The following CAMKMT variants were observed in gnomAD, a reference collection of about 807,000 sequenced individuals.
The protein encoded by CAMKMT is calmodulin-lysine N-methyltransferase, also known as CaM KMT.
CAMKMT carries 53 observed loss-of-function variants against 48.0 expected under a neutral mutation model. That is an observed-to-expected ratio of 1.10 (90% confidence interval 0.89 to 1.39). The LOEUF is 1.39. Ranked by LOEUF, CAMKMT falls within the 40% of genes most tolerant of loss-of-function variation. The pLI is 0.00. For synonymous variants in CAMKMT, 165 were observed against 152.3 expected (o/e 1.08, Z -0.61); for missense variants, 428 against 402.7 (o/e 1.06, Z -0.54).
chr2:44,424,414 C>T lies in CAMKMT; in HGVS notation c.376+34109C>T, dbSNP rs1033168841. Reference sequence around the variant, plus strand: ...CATGTGAAAGGGCCGTGATACATTGCGCAAGTGGGGGCTATGTGACTGAGG... The same window carrying T: ...CATGTGAAAGGGCCGTGATACATTGTGCAAGTGGGGGCTATGTGACTGAGG... On this transcript the variant is annotated intron_variant, in intron 3 of 10. Coordinates refer to ENST00000378494, the MANE Select transcript of CAMKMT (RefSeq NM_024766.5). Among the ~76,000 whole-genome samples the T allele has an allele frequency of 5.3e-5, 8 of 152,014 alleles. No homozygotes were observed. In the South Asian group the frequency reaches 6.2e-4, roughly 12 times the overall value.
chr2:44,611,991 C>T (rs1671627653), intron 3 of CAMKMT, among the ~76,000 whole-genome samples: 1 of 152,168 alleles, frequency 6.6e-6, no homozygotes, highest in African/African-American at 2.4e-5. Flanking sequence ...CAGGCCCCAC[C>T]TCCAGTATTG....
At chr2:44,581,788 C>T (rs1418699028) in intron 3 of CAMKMT, among the ~76,000 whole-genome samples, 1 of 152,148 alleles carries the variant, frequency 6.6e-6, no homozygotes, top group African/African-American at 2.4e-5. Flanking sequence ...ATCACAAAGT[C>T]AGGAGTTCGA....
intron 3 of CAMKMT, among the ~76,000 whole-genome samples, chr2:44,430,701 A>G (rs1331689909): frequency 6.6e-6 from 1 of 152,160 alleles, no homozygotes; most frequent in Non-Finnish European, 1.5e-5. Context: ...TGCTGGATAA[A>G]TAAGAGTCTT....
intron 3 of CAMKMT, among the ~76,000 whole-genome samples, chr2:44,648,390 C>CA (rs948245728): frequency 6.6e-6 from 1 of 151,666 alleles, no homozygotes. Context: ...ATTAAATTTT[C>CA]AAAAAAAGTA....
At position 44,672,083 on chromosome 2, in the gene CAMKMT, C is replaced by A. The variant is rs916038351; in HGVS notation, c.377-32200C>A. Among the ~76,000 whole-genome samples, 5 of 152,180 alleles carry A rather than the reference C, an allele frequency of 3.3e-5. No homozygotes were observed. The East Asian group carries it at 9.6e-4, about 29-fold the overall frequency. On this transcript the variant is annotated intron_variant, in intron 3 of 10. Coordinates refer to ENST00000378494, the MANE Select transcript of CAMKMT (RefSeq NM_024766.5). Reference sequence around the variant, plus strand: ...GAAAACTCAATACCATTCTCCCTGACCCTCCCCATCCGCCTCACTCCCCAA... The same window carrying A: ...GAAAACTCAATACCATTCTCCCTGAACCTCCCCATCCGCCTCACTCCCCAA...
chr2:44,554,962 C>G (rs1667929438), intron 3 of CAMKMT, among the ~76,000 whole-genome samples: 1 of 152,034 alleles, frequency 6.6e-6, no homozygotes, highest in African/African-American at 2.4e-5. Flanking sequence ...TAGGAATTAA[C>G]CAGATGAAGG....
intron 9 of CAMKMT, among the ~76,000 whole-genome samples, chr2:44,756,588 A>G (rs1446826882): frequency 1.3e-5 from 2 of 151,964 alleles, no homozygotes; most frequent in African/African-American, 4.8e-5. Flanking sequence ...GAAAATACAA[A>G]AAAATTAGCC....
intron 3 of CAMKMT, among the ~76,000 whole-genome samples, chr2:44,673,471 G>GGAAGGAAGGAAGGAAGGA (rs1553435760): frequency 8.6e-6 from 1 of 116,844 alleles, no homozygotes; most frequent in South Asian, 3.2e-4. Flanking sequence ...GAAAGAGAGA[G>GGAAGGAAGGAAGGAAGGA]AGGAAGGAAG....
At chr2:44,390,106 A>T (rs1681179080) in intron 2 of CAMKMT, 135 bp from the exon 3 acceptor site, 1 of 613,592 alleles carries the variant, frequency 1.6e-6, no homozygotes, top group Non-Finnish European at 2.8e-6. Context: ...GGCAGAAAAT[A>T]TTCTTAAAAT....
In CAMKMT at chr2:44,706,307, TA is replaced by T. The variant is rs1677558075; in HGVS notation, c.459del (p.Gly155ValfsTer3). On this transcript the variant is annotated frameshift_variant, in exon 5 of 11. Transcript: ENST00000378494. LOFTEE classifies it high-confidence loss of function. ...NIFRALAVCE[L>X]GGGMTCLAGL... ...TTCAGGGCCCTTGCTGTGTGTGAGC[TA>T]GGGGGTGGCATGACATGCTTGGCTG... 6.2e-7 allele frequency: 1 copy of T among 1,613,386 alleles called. No individual in the cohort carries two copies. Among genetic ancestry groups the T allele is most frequent in the Non-Finnish European group, 8.5e-7 (1 of 1,179,508 alleles).
intron 3 of CAMKMT, among the ~76,000 whole-genome samples, chr2:44,580,617 A>G (rs1669502041): frequency 1.3e-5 from 2 of 152,200 alleles, no homozygotes; most frequent in Non-Finnish European, 2.9e-5. Flanking sequence ...CTACAGTGTC[A>G]AAAGAATAGG....
At chr2:44,373,311 A>G (rs1415673040) in intron 2 of CAMKMT, among the ~76,000 whole-genome samples, 1 of 152,216 alleles carries the variant, frequency 6.6e-6, no homozygotes, top group Non-Finnish European at 1.5e-5. Context: ...TTACTTTCAG[A>G]ATAGAATCAA....
At chr2:44,592,495 G>T (rs1472212087) in intron 3 of CAMKMT, among the ~76,000 whole-genome samples, 1 of 151,956 alleles carries the variant, frequency 6.6e-6, no homozygotes, top group East Asian at 1.9e-4. Context: ...CAGATTAATG[G>T]TCCTCAGTGC....
chr2:44,584,463 A>AG (rs1669739210), intron 3 of CAMKMT, among the ~76,000 whole-genome samples: 1 of 152,170 alleles, frequency 6.6e-6, no homozygotes, highest in Admixed American at 6.5e-5. Flanking sequence ...ACCTGAAAAA[A>AG]CAGTTTCATT....
In CAMKMT at chr2:44,743,684, T is replaced by C. The variant is rs1178836846; in HGVS notation, c.686T>C (p.Met229Thr). Reference protein sequence around the residue: ...SQLEGHFDIVMCADCLFLDQY... With the variant: ...SQLEGHFDIVTCADCLFLDQY... ...CTGGAAGGACATTTTGACATTGTTA[T>C]GTGTGCTGACTGGTAAGTACATAAA... Residue 229 changes from methionine to threonine, a missense_variant, in exon 8 of 11, where the codon ATG (methionine) becomes ACG (threonine). Transcript: ENST00000378494. 1.9e-6 allele frequency: 3 copies of C among 1,612,804 alleles called. No homozygotes were observed. Among genetic ancestry groups the C allele is most frequent in the Admixed American group, 1.7e-5 (1 of 59,988 alleles).
At chr2:44,493,044 C>G (rs544849538) in intron 3 of CAMKMT, among the ~76,000 whole-genome samples, 13 of 151,972 alleles carry the variant, frequency 8.6e-5, no homozygotes, top group Non-Finnish European at 1.6e-4. Context: ...CAGGCATGTA[C>G]CACCATGCCC....
chr2:44,393,293 G>A (rs1681522843), intron 3 of CAMKMT: 1 of 152,122 alleles, frequency 6.6e-6, no homozygotes, highest in Non-Finnish European at 1.5e-5. Context: ...TAGAAGTTTT[G>A]TGGTTTTAAA....
intron 7 of CAMKMT, among the ~76,000 whole-genome samples, chr2:44,729,662 G>A (rs1440047143): frequency 1.3e-5 from 2 of 152,162 alleles, no homozygotes; most frequent in African/African-American, 4.8e-5. Context: ...GAAGTTGTGT[G>A]TGTGCTAAGG....
At chr2:44,535,039 A>G (rs756716343) in intron 3 of CAMKMT, among the ~76,000 whole-genome samples, 4 of 151,942 alleles carry the variant, frequency 2.6e-5, no homozygotes, top group Non-Finnish European at 5.9e-5. Flanking sequence ...GAGAGACCCA[A>G]ATAAAATCAG....
Sources: allele counts gnomAD v4.1 joint callset (sites outside exome capture counted in the v4.1 genomes callset), GRCh38; gene constraint gnomAD v4.1.1; transcripts MANE v1.5; gene names NCBI Gene and HGNC (gene_info 2026-07-23, HGNC 2026-07-21).